The following TRAM2 variants were observed in gnomAD, a reference collection of about 807,000 sequenced individuals.
TRAM2 encodes translocating chain-associated membrane protein 2.
A neutral mutation model predicts 51.0 loss-of-function variants in TRAM2; 12 were observed. That is an observed-to-expected ratio of 0.24 (90% CI 0.15 to 0.38). The LOEUF is 0.38. Ranked by LOEUF, TRAM2 falls within the 10% of genes least tolerant of loss-of-function variation. TRAM2 has a pLI of 1.00. For synonymous variants in TRAM2, 175 were observed against 179.4 expected, an observed-to-expected ratio of 0.98 and a Z score of 0.20; for missense variants, 361 against 462.0, an observed-to-expected ratio of 0.78 and a Z score of 2.00.
chr6:52,563,073 A>T (rs1181236380), intron 1 of TRAM2, among the ~76,000 whole-genome samples: 3 of 152,250 alleles, frequency 2.0e-5, no homozygotes, highest in Admixed American at 2.0e-4. Context: ...ACAAAATGAC[A>T]TATGTGCCAA....
At chr6:52,571,452 GA>G (rs1044525048) in intron 1 of TRAM2, among the ~76,000 whole-genome samples, 65 of 152,310 alleles carry the variant, frequency 4.3e-4, no homozygotes, top group African/African-American at 1.5e-3. Flanking sequence ...GCGCCCTCGA[GA>G]AACGAGTGAC....
intron 4 of TRAM2, among the ~76,000 whole-genome samples, chr6:52,511,708 C>G (rs1427635070): frequency 6.6e-6 from 1 of 152,206 alleles, no homozygotes; most frequent in Non-Finnish European, 1.5e-5. Flanking sequence ...ATCAGCATGC[C>G]TTTCGGGTAT....
chr6:52,519,448 C>T (rs1343786762), intron 2 of TRAM2, among the ~76,000 whole-genome samples: 5 of 152,092 alleles, frequency 3.3e-5, no homozygotes, highest in Admixed American at 1.3e-4. Flanking sequence ...CCCATAAGGA[C>T]GGTTACAATG....
intron 1 of TRAM2, among the ~76,000 whole-genome samples, chr6:52,573,810 G>T (rs1038528926): frequency 2.6e-5 from 4 of 152,100 alleles, no homozygotes; most frequent in Admixed American, 2.6e-4. Context: ...AGCAACGCAG[G>T]GATGCAATGC....
chr6:52,528,758 C>G (rs1051982936), intron 2 of TRAM2, among the ~76,000 whole-genome samples: 1 of 152,154 alleles, frequency 6.6e-6, no homozygotes, highest in Non-Finnish European at 1.5e-5. Flanking sequence ...CACTGTAAAA[C>G]AAACCTTTCT....
intron 1 of TRAM2, among the ~76,000 whole-genome samples, chr6:52,544,249 T>A (rs1445891804): frequency 1.3e-5 from 2 of 152,198 alleles, no homozygotes; most frequent in African/African-American, 4.8e-5. Context: ...TGACCCTGGA[T>A]GTCAACCTCC....
At chr6:52,570,808 C>CCT (rs1287449161) in intron 1 of TRAM2, among the ~76,000 whole-genome samples, 1 of 139,754 alleles carries the variant, frequency 7.2e-6, no homozygotes, top group Non-Finnish European at 1.6e-5. Flanking sequence ...CCCCCCCCCA[C>CCT]ACGCACACAC....
At chr6:52,507,985 A>G (rs1308504870) in intron 6 of TRAM2, among the ~76,000 whole-genome samples, 1 of 152,260 alleles carries the variant, frequency 6.6e-6, no homozygotes, top group Non-Finnish European at 1.5e-5. Flanking sequence ...GACATCTATA[A>G]GATGAGAGTT....
At position 52,569,875 on chromosome 6, in the gene TRAM2, AAT is replaced by A. The variant is rs560969358; in HGVS notation, c.120+6919_120+6920del. On this transcript the variant is annotated intron_variant, in intron 1 of 10. Transcript: ENST00000182527. ...CACTCAATTTCAAGACTTCTACACAAATATTGGCATTCAAATATTGGAATTCA... is the reference window on the plus strand; with the variant it reads ...CACTCAATTTCAAGACTTCTACACAAATTGGCATTCAAATATTGGAATTCA... Among the ~76,000 whole-genome samples, 118 of 152,244 alleles carry A rather than the reference AAT, an allele frequency of 7.8e-4. 1 individual carries two copies. Among genetic ancestry groups the A allele is most frequent in the African/African-American group, 2.8e-3 (116 of 41,546 alleles).
chr6:52,514,178 G>T (rs929027140), intron 4 of TRAM2, among the ~76,000 whole-genome samples: 2 of 152,202 alleles, frequency 1.3e-5, no homozygotes, highest in Non-Finnish European at 2.9e-5. Context: ...AGAGCTGGCA[G>T]GACCTGCCGA....
intron 1 of TRAM2, 149 bp downstream of exon 1, chr6:52,576,647 G>C: frequency 9.3e-7 from 1 of 1,075,678 alleles, no homozygotes; most frequent in Non-Finnish European, 1.3e-6. Flanking sequence ...AGGCCGGAGG[G>C]GTACAGTGCA....
chr6:52,572,063 C>CT (rs1215178870), intron 1 of TRAM2, among the ~76,000 whole-genome samples: 9 of 152,332 alleles, frequency 5.9e-5, no homozygotes, highest in African/African-American at 1.7e-4. Flanking sequence ...TAGGATTACA[C>CT]TTGAGGCTTG....
chr6:52,568,978 A>G (rs1767632835), intron 1 of TRAM2, among the ~76,000 whole-genome samples: 1 of 152,152 alleles, frequency 6.6e-6, no homozygotes, highest in Admixed American at 6.5e-5. Context: ...CCCAAAAAAG[A>G]CATTAGAGAT....
chr6:52,504,489 T>C (rs1196978708), intron 10 of TRAM2, 102 bp downstream of exon 10: 8 of 1,542,970 alleles, frequency 5.2e-6, no homozygotes, highest in Non-Finnish European at 7.0e-6. Flanking sequence ...GCTGGCAGGA[T>C]TGGTCTGGGC....
intron 2 of TRAM2, among the ~76,000 whole-genome samples, chr6:52,528,369 C>A (rs780762776): frequency 1.3e-5 from 2 of 152,084 alleles, no homozygotes; most frequent in Non-Finnish European, 2.9e-5. Context: ...CCGCTGCCCA[C>A]CTGTCTCTTT....
chr6:52,546,036 C>T (rs1182899858), intron 1 of TRAM2, among the ~76,000 whole-genome samples: 1 of 152,130 alleles, frequency 6.6e-6, no homozygotes, highest in Non-Finnish European at 1.5e-5. Context: ...CAAGTACAGG[C>T]GGTTCAGGAT....
intron 1 of TRAM2, among the ~76,000 whole-genome samples, chr6:52,547,714 C>T (rs1330877522): frequency 6.6e-6 from 1 of 152,238 alleles, no homozygotes; most frequent in Non-Finnish European, 1.5e-5. Context: ...CTGCACGTTC[C>T]CAGGGGGAGA....
At chr6:52,549,280 C>T (rs1342789375) in intron 1 of TRAM2, among the ~76,000 whole-genome samples, 1 of 151,554 alleles carries the variant, frequency 6.6e-6, no homozygotes, top group Admixed American at 6.6e-5. Context: ...CCCTCCCTCC[C>T]TTCCTTCCAA....
chr6:52,526,129 A>G (rs1766772745), intron 2 of TRAM2, among the ~76,000 whole-genome samples: 1 of 147,528 alleles, frequency 6.8e-6, no homozygotes, highest in Non-Finnish European at 1.5e-5. Flanking sequence ...TGTTATGGCC[A>G]TCCTAGGAAA....
Sources: gnomAD v4.1 joint callset for allele counts (sites outside exome capture counted in the v4.1 genomes callset) on GRCh38, gnomAD v4.1.1 for gene constraint, MANE v1.5 for transcripts, NCBI Gene and HGNC (gene_info 2026-07-23, HGNC 2026-07-21) for gene names.